PLEKHM1: variants seen among roughly 807,000 people sequenced by gnomAD.
The protein encoded by PLEKHM1 is pleckstrin homology and RUN domain containing M1, also known as pleckstrin homology domain-containing family M member 1.
A neutral mutation model predicts 94.3 loss-of-function variants in PLEKHM1; 28 were observed. That is an observed-to-expected ratio of 0.30 (90% CI 0.22 to 0.41). The LOEUF (loss-of-function observed/expected upper bound fraction) is 0.41. PLEKHM1 is among the 10% of genes least tolerant of loss of function. The pLI, the probability that PLEKHM1 is intolerant of heterozygous loss-of-function variation, is 1.00. For synonymous variants in PLEKHM1, 424 were observed against 581.2 expected (o/e 0.73, Z 3.89); for missense variants, 907 against 1,358.6 (o/e 0.67, Z 5.22).
rs1158829565 is a variant in PLEKHM1, at chr17:45,486,357, T to C, written c.-41-3832A>G. Among the ~76,000 whole-genome samples the C allele has an allele frequency of 3.4e-5, 5 of 145,874 alleles. No homozygotes were observed. The East Asian group carries it at 6.2e-4, about 18-fold the overall frequency. ...CAGCACTTTGGGAGGCCGAGGCGGGTGGATCACGAGGTCAGGAGATCGAGA... is the reference window on the plus strand; with the variant it reads ...CAGCACTTTGGGAGGCCGAGGCGGGCGGATCACGAGGTCAGGAGATCGAGA... On this transcript the variant is annotated intron_variant, in intron 1 of 11. Transcript: ENST00000430334.
chr17:45,474,853 C>T (rs1468174683), intron 4 of PLEKHM1, among the ~76,000 whole-genome samples: 2 of 152,278 alleles, frequency 1.3e-5, no homozygotes, highest in South Asian at 2.1e-4. Context: ...TAAAAGTCAC[C>T]GGGGCAGAGC....
At chr17:45,466,003 C>T (rs999792360) in intron 5 of PLEKHM1, among the ~76,000 whole-genome samples, 28 of 152,106 alleles carry the variant, frequency 1.8e-4, no homozygotes, top group African/African-American at 6.3e-4. Flanking sequence ...CAGAGCTTTC[C>T]TCTTCAGCCT....
In PLEKHM1 at chr17:45,453,821, G is replaced by A. The variant is rs779480934; in HGVS notation, c.2031C>T (p.Ala677=). Residue 677 remains alanine, a synonymous_variant, in exon 7 of 12, where the codon GCC becomes GCT. Transcript: ENST00000430334. The surrounding 1 kb of genome is among the most constrained non-coding windows in gnomAD (Gnocchi z 4.1). ...LQGTQFDWSS[A]QVPEPDAIKE... ...TGATGGCATCTGGCTCTGGAACCTG[G>A]GCGGACGACCAGTCAAACTGTGTGC... is the stretch of plus-strand genomic sequence containing the variant. The A allele has an allele frequency of 1.9e-6, 3 of 1,613,982 alleles. No individual in the cohort carries two copies. Among genetic ancestry groups the A allele is most frequent in the Non-Finnish European group, 2.5e-6 (3 of 1,179,858 alleles).
rs201391140 is a variant in PLEKHM1, at chr17:45,478,082, C to T, written c.114G>A (p.Thr38=). 62 of 1,614,062 alleles carry T rather than the reference C, an allele frequency of 3.8e-5. No individual in the cohort carries two copies. The East Asian group carries it at 5.8e-4, about 15-fold the overall frequency. The change falls in exon 3 of 12, where the codon ACG becomes ACA. Residue 38 remains threonine, a synonymous_variant. Coordinates refer to ENST00000430334, the MANE Select transcript of PLEKHM1 (RefSeq NM_014798.3). The part of the protein sequence containing the change: ...ALQKQYVSLD[T]VVTSEDGDAN... The stretch of plus-strand genomic sequence containing the variant: ...CATCTCCGTCTTCACTAGTGACCAC[C>T]GTGTCCAGGGACACGTACTGCTTCT...
chr17:45,445,696 G>A lies in PLEKHM1; in HGVS notation c.2644-33C>T. 6.3e-7 allele frequency: 1 copy of A among 1,591,854 alleles called. No homozygotes were observed. The highest frequency in any genetic ancestry group is 8.6e-7 in the Non-Finnish European group (1 of 1,160,288). On this transcript the variant is annotated intron_variant, in intron 8 of 11. Transcript: ENST00000430334. This position sits in a 1 kb window ranked among gnomAD's most constrained non-coding sequence, Gnocchi z 4.2. ...TACCACCAGGCATTGGGGATGGGAA[G>A]GAATGGCTGTTCAGTGAGCACTGCC...
At chr17:45,487,650 G>A in intron 1 of PLEKHM1, 1 of 454,946 alleles carries the variant, frequency 2.2e-6, no homozygotes, top group South Asian at 1.6e-5. Context: ...ATACTGCCTG[G>A]CCTTCTCTAT....
At chr17:45,474,530 C>G (rs1412633808) in intron 4 of PLEKHM1, among the ~76,000 whole-genome samples, 1 of 152,216 alleles carries the variant, frequency 6.6e-6, no homozygotes, top group Non-Finnish European at 1.5e-5. Context: ...TGAAGTCACA[C>G]TCTTATGCGT....
chr17:45,489,600 G>C (rs149507286), intron 1 of PLEKHM1, among the ~76,000 whole-genome samples: 4 of 152,102 alleles, frequency 2.6e-5, no homozygotes, highest in African/African-American at 9.7e-5. Flanking sequence ...CAGGAGACCA[G>C]ATGCCAGGAA....
intron 1 of PLEKHM1, among the ~76,000 whole-genome samples, chr17:45,490,107 C>T (rs1254048697): frequency 6.6e-6 from 1 of 151,952 alleles, no homozygotes; most frequent in Non-Finnish European, 1.5e-5. Context: ...CAACAGGGCA[C>T]CTACTTTGGG....
chr17:45,478,504 C>T (rs1188494635), intron 2 of PLEKHM1, among the ~76,000 whole-genome samples: 4 of 152,112 alleles, frequency 2.6e-5, no homozygotes, highest in African/African-American at 7.2e-5. Flanking sequence ...GTGATGGGAG[C>T]TTGGGTAAAT....
chr17:45,441,422 T>C lies in PLEKHM1; in HGVS notation c.2838-1196A>G, dbSNP rs1371747006. Among the ~76,000 whole-genome samples, 6 of 152,180 alleles carry C rather than the reference T, an allele frequency of 3.9e-5. No individual in the cohort carries two copies. The East Asian group carries it at 9.6e-4, about 24-fold the overall frequency. ...TGCCAACTGGCCCCTCAGTTTACCA[T>C]GCTGGTGTCCCCAGTAAACTTCCTG... On this transcript the variant is annotated intron_variant, in intron 9 of 11. Transcript: ENST00000430334.
chr17:45,463,085 CAA>C (rs1290103977), intron 5 of PLEKHM1, among the ~76,000 whole-genome samples: 50 of 95,496 alleles, frequency 5.2e-4, no homozygotes, highest in Admixed American at 4.6e-4. Context: ...GAGTCTGTGT[CAA>C]AAAAAAAAAA....
intron 1 of PLEKHM1, chr17:45,487,969 G>C (rs1345655114): frequency 2.8e-6 from 1 of 356,228 alleles, no homozygotes; most frequent in Non-Finnish European, 5.6e-6. Context: ...CTCTGATTCA[G>C]AAAGGCAGCT....
At chr17:45,479,509 C>T (rs1463214121) in intron 2 of PLEKHM1, among the ~76,000 whole-genome samples, 1 of 140,674 alleles carries the variant, frequency 7.1e-6, no homozygotes, top group Non-Finnish European at 1.5e-5. Context: ...CAGAGCGAGA[C>T]TCCGCCTCAA....
At chr17:45,440,309 G>C (rs147797570) in intron 9 of PLEKHM1, 83 bp from the exon 10 acceptor site, 2 of 1,375,884 alleles carry the variant, frequency 1.5e-6, no homozygotes, top group Admixed American at 3.4e-5. Context: ...CTCCCCTGGC[G>C]CTGCTCACCA....
chr17:45,473,067 C>A (rs1015396824), intron 4 of PLEKHM1, among the ~76,000 whole-genome samples: 25 of 152,028 alleles, frequency 1.6e-4, no homozygotes, highest in African/African-American at 5.6e-4. Context: ...CAAGGACATT[C>A]CTGGTGGAGT....
chr17:45,448,636 A>G (rs2684666), intron 8 of PLEKHM1, among the ~76,000 whole-genome samples: 1 of 152,170 alleles, frequency 6.6e-6, no homozygotes, highest in Non-Finnish European at 1.5e-5. Context: ...CCCCAGGGAG[A>G]GAAAGGACAC....
chr17:45,439,242 A>G (rs1403797747), intron 11 of PLEKHM1, among the ~76,000 whole-genome samples: 2 of 152,238 alleles, frequency 1.3e-5, no homozygotes, highest in Non-Finnish European at 2.9e-5. Context: ...GGTTCCATAG[A>G]GGCAGAGGAG....
chr17:45,480,840 T>A (rs2051930067), intron 2 of PLEKHM1, among the ~76,000 whole-genome samples: 1 of 152,240 alleles, frequency 6.6e-6, no homozygotes, highest in African/African-American at 2.4e-5. Context: ...ACATTTGGGT[T>A]GTTTCTACTC....
Sources: allele counts gnomAD v4.1 joint callset (sites outside exome capture counted in the v4.1 genomes callset), GRCh38; gene constraint gnomAD v4.1.1; non-coding constraint Gnocchi (gnomAD v3.1); transcripts MANE v1.5; gene names NCBI Gene and HGNC (gene_info 2026-07-23, HGNC 2026-07-21).